SNTB1: variants seen among roughly 807,000 people sequenced by gnomAD.
The protein encoded by SNTB1 is syntrophin beta 1, also known as beta-1-syntrophin.
SNTB1 carries 36 observed loss-of-function variants against 48.9 expected under a neutral mutation model. That is an observed-to-expected ratio of 0.74 (90% CI 0.56 to 0.97). SNTB1 has a LOEUF of 0.97. SNTB1 is among the 50% of genes least tolerant of loss of function. SNTB1 has a pLI of 0.00. For missense variants in SNTB1, 786 were observed against 703.4 expected (o/e 1.12, Z -1.33); for synonymous variants, 299 against 294.6 (o/e 1.01, Z -0.15).
rs142068391 is a variant in SNTB1 at position 120,672,650 on chromosome 8, C to T, written c.788+21042G>A. On this transcript the variant is annotated intron_variant, in intron 2 of 6. Transcript: ENST00000517992. ...ATGTCCAGAAATACACTCAAAGGCA[C>T]GAAGTGACTTATTTCACATAACTGA... Among the ~76,000 whole-genome samples, 5 of 152,262 alleles carry T rather than the reference C, an allele frequency of 3.3e-5. No individual in the cohort carries two copies. In the South Asian group the frequency reaches 6.2e-4, roughly 19 times the overall value.
intron 3 of SNTB1, among the ~76,000 whole-genome samples, chr8:120,589,213 A>C (rs1347888882): frequency 6.6e-6 from 1 of 152,136 alleles, no homozygotes; most frequent in African/African-American, 2.4e-5. Flanking sequence ...ATAGCCCTTT[A>C]TTACTTAACC....
intron 2 of SNTB1, among the ~76,000 whole-genome samples, chr8:120,674,572 G>C (rs1817805556): frequency 1.3e-5 from 2 of 152,194 alleles, no homozygotes; most frequent in Admixed American, 6.5e-5. Context: ...GTTTCTTATG[G>C]GCCTAGTGAT....
At chr8:120,638,866 C>A (rs28863871) in intron 2 of SNTB1, among the ~76,000 whole-genome samples, 18 of 152,134 alleles carry the variant, frequency 1.2e-4, no homozygotes, top group Admixed American at 9.2e-4. Context: ...AATAAACATA[C>A]GTGTACATGT....
chr8:120,687,825 C>T (rs1175317726), intron 2 of SNTB1, among the ~76,000 whole-genome samples: 1 of 152,190 alleles, frequency 6.6e-6, no homozygotes, highest in Non-Finnish European at 1.5e-5. Context: ...AACTGTGTTG[C>T]TCATCATAAA....
At chr8:120,546,945 T>C (rs566002409) in intron 5 of SNTB1, among the ~76,000 whole-genome samples, 1 of 152,352 alleles carries the variant, frequency 6.6e-6, no homozygotes, top group African/African-American at 2.4e-5. Flanking sequence ...ATCAGTGGCA[T>C]AACTGTGGGA....
chr8:120,628,088 G>A (rs1248684084), intron 3 of SNTB1, among the ~76,000 whole-genome samples: 1 of 152,182 alleles, frequency 6.6e-6, no homozygotes, highest in East Asian at 1.9e-4. Context: ...GCTGATACCT[G>A]AACTTGCATC....
chr8:120,693,859 T>C lies in SNTB1; in HGVS notation c.621A>G (p.Val207=). The C allele has an allele frequency of 6.2e-7, 1 of 1,614,184 alleles. No individual in the cohort carries two copies. Among genetic ancestry groups the C allele is most frequent in the Non-Finnish European group, 8.5e-7 (1 of 1,180,018 alleles). Residue 207 remains valine, a synonymous_variant, in exon 2 of 7, where the codon GTA becomes GTG. Transcript: ENST00000517992. ...GAGGTGTTTCCCACCCAATCTCGGA[T>C]ACTGGGGATCCTTTCTTCACATAGG... ...ATPYVKKGSP[V]SEIGWETPPP...
chr8:120,692,961 G>C (rs192819545), intron 2 of SNTB1, among the ~76,000 whole-genome samples: 1 of 152,224 alleles, frequency 6.6e-6, no homozygotes, highest in Non-Finnish European at 1.5e-5. Flanking sequence ...TTTGGCTCAC[G>C]GTTCTGCAAG....
intron 5 of SNTB1, among the ~76,000 whole-genome samples, chr8:120,543,070 G>C (rs1000260318): frequency 3.3e-5 from 5 of 152,066 alleles, no homozygotes; most frequent in Non-Finnish European, 7.4e-5. Context: ...GAGCAGGTGC[G>C]GTGCCAGCTT....
intron 2 of SNTB1, among the ~76,000 whole-genome samples, chr8:120,666,126 T>C (rs563063201): frequency 3.9e-5 from 6 of 152,250 alleles, no homozygotes; most frequent in African/African-American, 7.2e-5. Context: ...TAGTATGGCA[T>C]TGGATTTACA....
chr8:120,782,720 T>C (rs1819851157), intron 1 of SNTB1, among the ~76,000 whole-genome samples: 1 of 152,190 alleles, frequency 6.6e-6, no homozygotes, highest in African/African-American at 2.4e-5. Flanking sequence ...GAAAAAGTTC[T>C]ACCCTCAAGT....
intron 2 of SNTB1, among the ~76,000 whole-genome samples, chr8:120,665,635 A>G (rs1817662689): frequency 6.6e-6 from 1 of 152,158 alleles, no homozygotes; most frequent in Non-Finnish European, 1.5e-5. Flanking sequence ...TGTCTTATCT[A>G]GAACCTTTTC....
Position 120,673,981 on chromosome 8 carries a change from T to C in SNTB1, c.788+19711A>G, listed in dbSNP as rs1021745886. ...TATCGTGAAAAAAACAAATATGCTG[T>C]ACAGTGGCCATAGTTGGAGAATATT... is the stretch of plus-strand genomic sequence containing the variant. On this transcript the variant is annotated intron_variant, in intron 2 of 6. Coordinates refer to ENST00000517992, the MANE Select transcript of SNTB1 (RefSeq NM_021021.4). 7.2e-5 allele frequency among the ~76,000 whole-genome samples: 11 copies of C among 152,314 alleles called. No homozygotes were observed. In the East Asian group the frequency reaches 2.1e-3, roughly 29 times the overall value.
At chr8:120,561,242 C>G (rs1815650463) in intron 4 of SNTB1, among the ~76,000 whole-genome samples, 1 of 149,898 alleles carries the variant, frequency 6.7e-6, no homozygotes, top group Non-Finnish European at 1.5e-5. Flanking sequence ...ATCGCTTGAA[C>G]CCAGGAGGCG....
chr8:120,680,708 C>T (rs554963745), intron 2 of SNTB1, among the ~76,000 whole-genome samples: 2 of 152,150 alleles, frequency 1.3e-5, no homozygotes, highest in African/African-American at 4.8e-5. Flanking sequence ...GCATCATTAT[C>T]TCTGCTTGAA....
chr8:120,674,508 A>G (rs1411775469), intron 2 of SNTB1, among the ~76,000 whole-genome samples: 1 of 152,200 alleles, frequency 6.6e-6, no homozygotes, highest in Non-Finnish European at 1.5e-5. Flanking sequence ...AGGCATTGAG[A>G]CTCAAGTTGG....
chr8:120,722,246 T>C (rs1818673186), intron 1 of SNTB1, among the ~76,000 whole-genome samples: 1 of 152,220 alleles, frequency 6.6e-6, no homozygotes, highest in African/African-American at 2.4e-5. Context: ...TTTATAATCC[T>C]TTCGGTATAT....
chr8:120,628,612 C>G (rs1169567710), intron 3 of SNTB1, among the ~76,000 whole-genome samples: 1 of 152,108 alleles, frequency 6.6e-6, no homozygotes, highest in East Asian at 1.9e-4. Flanking sequence ...CAAAAATTAG[C>G]TGGGTGTGGT....
Position 120,579,217 on chromosome 8 carries a change from G to C in SNTB1, c.997-3992C>G, listed in dbSNP as rs112973705. ...ACAAACAAACAAACAAACAAACAAAGAGCAAACAAACAATTGAAAGAGACT... is the reference window on the plus strand; with the variant it reads ...ACAAACAAACAAACAAACAAACAAACAGCAAACAAACAATTGAAAGAGACT... On this transcript the variant is annotated intron_variant, in intron 3 of 6. Coordinates refer to ENST00000517992, the MANE Select transcript of SNTB1 (RefSeq NM_021021.4). Among the ~76,000 whole-genome samples, 926 of 148,340 alleles carry C rather than the reference G, an allele frequency of 6.2e-3. 2 individuals are homozygous for C. The highest frequency in any genetic ancestry group is 0.014 in the South Asian group (63 of 4,390).
Sources: allele counts gnomAD v4.1 joint callset (sites outside exome capture counted in the v4.1 genomes callset), GRCh38; gene constraint gnomAD v4.1.1; transcripts MANE v1.5; gene names NCBI Gene and HGNC (gene_info 2026-07-23, HGNC 2026-07-21).